Variants in RASSF3 observed in about 807,000 individuals in gnomAD.
RASSF3 encodes ras association domain-containing protein 3.
RASSF3 carries 19 observed loss-of-function variants against 19.9 expected under a neutral mutation model. The ratio of observed to expected loss-of-function variants is 0.96; its 90% CI spans 0.67 to 1.40. The LOEUF is 1.40. Among genes scored for constraint, RASSF3 ranks in the 40% most tolerant of loss-of-function variants. RASSF3 has a pLI of 0.00. For synonymous variants in RASSF3, 110 were observed against 104.2 expected (o/e 1.06, Z -0.34); for missense variants, 306 against 289.8 (o/e 1.06, Z -0.41).
At chr12:64,585,375 G>A (rs1869777307) in intron 2 of RASSF3, among the ~76,000 whole-genome samples, 1 of 152,110 alleles carries the variant, frequency 6.6e-6, no homozygotes, top group Admixed American at 6.6e-5. Context: ...CACCAAAGGG[G>A]ATTTCTTGGG....
At chr12:64,637,185 C>T (rs1421282648) in intron 1 of RASSF3, among the ~76,000 whole-genome samples, 4 of 152,150 alleles carry the variant, frequency 2.6e-5, no homozygotes, top group Non-Finnish European at 1.5e-5. Context: ...TGTTGTTGAG[C>T]AGCAGGCGCC....
At chr12:64,654,532 C>G (rs573513886) in intron 1 of RASSF3, among the ~76,000 whole-genome samples, 2 of 151,346 alleles carry the variant, frequency 1.3e-5, no homozygotes, top group Non-Finnish European at 2.9e-5. Flanking sequence ...TGGCTGGGCA[C>G]GGTGGCTTCT....
upstream of RASSF3, among the ~76,000 whole-genome samples, chr12:64,606,776 C>G (rs1398953645): frequency 6.6e-6 from 1 of 152,052 alleles, no homozygotes; most frequent in Non-Finnish European, 1.5e-5. Flanking sequence ...GATCATAGCA[C>G]TGCACTCCAG....
chr12:64,608,588 G>A (rs116193226), upstream of RASSF3, among the ~76,000 whole-genome samples: 2,745 of 152,252 alleles, frequency 0.018, 82 homozygotes, highest in African/African-American at 0.062. Flanking sequence ...GTGAGCCATC[G>A]CGCCCGGCCA....
At chr12:64,622,934 T>A (rs563189811) in intron 1 of RASSF3, among the ~76,000 whole-genome samples, 1 of 151,934 alleles carries the variant, frequency 6.6e-6, no homozygotes, top group African/African-American at 2.4e-5. Context: ...GATTCTTCAG[T>A]CTCAGCCTCC....
intron 1 of RASSF3, among the ~76,000 whole-genome samples, chr12:64,619,895 G>T (rs971521927): frequency 4.0e-5 from 6 of 151,530 alleles, no homozygotes; most frequent in Non-Finnish European, 8.8e-5. Flanking sequence ...CAGGAGAATC[G>T]CTTGAACCTG....
intron 1 of RASSF3, among the ~76,000 whole-genome samples, chr12:64,657,034 G>GC (rs1192659076): frequency 4.2e-5 from 6 of 143,790 alleles, no homozygotes; most frequent in Non-Finnish European, 9.1e-5. Flanking sequence ...TTTTCAGACA[G>GC]AGTCTTACTC....
At position 64,691,480 on chromosome 12, in the gene RASSF3, C is replaced by T; in HGVS notation, c.468C>T (p.Cys156=). ...TGTTTCTTTACCCAGTCTACGCCTG[C>T]AAGCTCTCAGACCGGGAACATCCAC... ...RCHREDQVYA[C]KLSDREHPLY... The change falls in exon 4 of 5, where the codon TGC becomes TGT. Residue 156 remains cysteine, a synonymous_variant. Transcript: ENST00000542104. 1 of 1,612,396 alleles carries T rather than the reference C, an allele frequency of 6.2e-7. No individual in the cohort carries two copies.
chr12:64,625,177 T>C (rs1870944091), intron 1 of RASSF3, among the ~76,000 whole-genome samples: 1 of 152,110 alleles, frequency 6.6e-6, no homozygotes, highest in African/African-American at 2.4e-5. Flanking sequence ...TCAATGTAAT[T>C]GATCAGGAAG....
chr12:64,635,342 C>G (rs1437423309), intron 1 of RASSF3, among the ~76,000 whole-genome samples: 1 of 152,082 alleles, frequency 6.6e-6, no homozygotes, highest in Non-Finnish European at 1.5e-5. Flanking sequence ...ACATTTATTA[C>G]GTGCCTGTCT....
At chr12:64,534,779 G>C (rs1219033892) in intron 1 of RASSF3, among the ~76,000 whole-genome samples, 1 of 152,172 alleles carries the variant, frequency 6.6e-6, no homozygotes, top group Admixed American at 6.5e-5. Context: ...TGACCTGCTT[G>C]TTTGTGGATA....
chr12:64,637,423 C>A (rs1218183390), intron 1 of RASSF3, among the ~76,000 whole-genome samples: 1 of 132,516 alleles, frequency 7.5e-6, no homozygotes, highest in East Asian at 2.2e-4. Flanking sequence ...TAGTTTCTTT[C>A]TTTTTTTTTT....
chr12:64,689,791 C>CTTTTT lies in RASSF3; in HGVS notation c.457+1347_457+1351dup, dbSNP rs762822586. 2.9e-4 allele frequency among the ~76,000 whole-genome samples: 28 copies of CTTTTT among 96,564 alleles called. 2 individuals carry two copies. In the South Asian group the frequency reaches 2.9e-3, roughly 10 times the overall value. 63.3% of individuals were successfully genotyped at this position (96,564 alleles called of 152,430 possible). ...GTTTGTAGCTGCTAATTCGCTAATT[C>CTTTTT]TTTTTTTTTTTTTGAGACGGAGTCT... On this transcript the variant is annotated intron_variant, in intron 3 of 4. Coordinates refer to ENST00000542104, the MANE Select transcript of RASSF3 (RefSeq NM_178169.4).
chr12:64,672,890 T>G (rs910664220), intron 1 of RASSF3, among the ~76,000 whole-genome samples: 4 of 152,204 alleles, frequency 2.6e-5, no homozygotes, highest in Non-Finnish European at 4.4e-5. Flanking sequence ...GCAGAGTGGC[T>G]ACTCCATTTG....
chr12:64,571,090 C>A (rs915874829), intron 2 of RASSF3, among the ~76,000 whole-genome samples: 7 of 151,794 alleles, frequency 4.6e-5, no homozygotes, highest in Non-Finnish European at 8.8e-5. Flanking sequence ...TGGTCGCGGG[C>A]GCCTGTAATC....
At chr12:64,666,812 A>G (rs984705893) in intron 1 of RASSF3, among the ~76,000 whole-genome samples, 2 of 152,226 alleles carry the variant, frequency 1.3e-5, no homozygotes, top group Admixed American at 1.3e-4. Flanking sequence ...CTATTTGCAC[A>G]GTATTTAGGT....
chr12:64,531,272 T>C (rs1868701631), upstream of RASSF3, among the ~76,000 whole-genome samples: 1 of 152,218 alleles, frequency 6.6e-6, no homozygotes, highest in Non-Finnish European at 1.5e-5. Flanking sequence ...AAAAAAGATA[T>C]GAATATCTAA....
intron 1 of RASSF3, among the ~76,000 whole-genome samples, chr12:64,636,670 A>AT (rs1264866511): frequency 6.6e-6 from 1 of 151,822 alleles, no homozygotes; most frequent in Non-Finnish European, 1.5e-5. Flanking sequence ...GTTCGAAACC[A>AT]TCCTGGCCAA....
downstream of RASSF3, among the ~76,000 whole-genome samples, chr12:64,542,001 T>C (rs1387807314): frequency 6.6e-6 from 1 of 152,190 alleles, no homozygotes; most frequent in Non-Finnish European, 1.5e-5. Context: ...GATGCAATCT[T>C]GTTAACAGAC....
Sources: allele counts gnomAD v4.1 joint callset (sites outside exome capture counted in the v4.1 genomes callset), GRCh38; gene constraint gnomAD v4.1.1; transcripts MANE v1.5; gene names NCBI Gene and HGNC (gene_info 2026-07-23, HGNC 2026-07-21).